The following ZMYND8 variants were observed in gnomAD, a reference collection of about 807,000 sequenced individuals.
ZMYND8 encodes MYND-type zinc finger-containing chromatin reader ZMYND8.
In ZMYND8, 37 loss-of-function variants were observed where a neutral mutation model predicts 140.8. That is an observed-to-expected ratio of 0.26 (90% CI 0.20 to 0.35). ZMYND8 has a LOEUF of 0.35. Ranked by LOEUF, ZMYND8 falls within the 10% of genes least tolerant of loss-of-function variation. The pLI is 1.00. For missense variants in ZMYND8, 1,068 were observed against 1,570.0 expected (o/e 0.68, Z 5.40); for synonymous variants, 592 against 597.1 (o/e 0.99, Z 0.12).
chr20:47,350,074 G>C (rs915777652), intron 1 of ZMYND8: 1 of 1,376,668 alleles, frequency 7.3e-7, no homozygotes, highest in African/African-American at 1.5e-5. Flanking sequence ...GCAGAAGAGA[G>C]AGGGAAAAAA....
At chr20:47,326,131 G>T (rs1340515514) in intron 2 of ZMYND8, among the ~76,000 whole-genome samples, 2 of 152,114 alleles carry the variant, frequency 1.3e-5, no homozygotes, top group African/African-American at 4.8e-5. Flanking sequence ...CTAATTCTTT[G>T]TATTTCTTAG....
At chr20:47,269,285 G>C (rs895591680) in intron 11 of ZMYND8, among the ~76,000 whole-genome samples, 1 of 152,204 alleles carries the variant, frequency 6.6e-6, no homozygotes, top group Non-Finnish European at 1.5e-5. Flanking sequence ...GAGGGTGTGG[G>C]TGGTACTGGC....
rs201082597 is a variant in ZMYND8, at chr20:47,227,222, G to A, written c.2997C>T (p.Ser999=). 17 of 1,614,126 alleles carry A rather than the reference G, an allele frequency of 1.1e-5. No homozygotes were observed. The East Asian group carries it at 1.3e-4, about 13-fold the overall frequency. ...CCTTACCTAAGTTGTGTTTCATTTCGGAGAGCTCTTGCTGGTGCAGCCACT... is the reference window on the plus strand; with the variant it reads ...CCTTACCTAAGTTGTGTTTCATTTCAGAGAGCTCTTGCTGGTGCAGCCACT... ...KLQWLHQQEL[S]EMKHNLELTM... The change falls in exon 18 of 23, where the codon TCC becomes TCT. Residue 999 remains serine, a synonymous_variant. Transcript: ENST00000471951.
rs1328812354 is a variant in ZMYND8, at chr20:47,355,400, C to T, written c.14+1257G>A. The T allele has an allele frequency of 1.3e-5, 13 of 978,708 alleles. No homozygotes were observed. In the South Asian group the frequency reaches 5.2e-4, roughly 39 times the overall value. 60.6% of individuals were successfully genotyped at this position (978,708 alleles called of 1,614,324 possible). On this transcript the variant is annotated intron_variant, in intron 1 of 22. Transcript: ENST00000471951. ...CTATTACAAACAGACCCCAAATGTT[C>T]GCAAAACTCTTCAAACATGGTCACA...
intron 22 of ZMYND8, 56 bp downstream of exon 22, chr20:47,212,586 C>T (rs150121425): frequency 1.9e-6 from 3 of 1,581,964 alleles, no homozygotes; most frequent in Non-Finnish European, 2.6e-6. Context: ...CAGAACAAGC[C>T]TTCTGCATAC....
intron 6 of ZMYND8, among the ~76,000 whole-genome samples, chr20:47,290,868 G>C (rs6094655): frequency 6.6e-6 from 1 of 151,940 alleles, no homozygotes; most frequent in Non-Finnish European, 1.5e-5. Context: ...TGGGATTACA[G>C]GCTTGAGCCA....
At chr20:47,270,772 G>A (rs1233053165) in intron 11 of ZMYND8, among the ~76,000 whole-genome samples, 1 of 151,022 alleles carries the variant, frequency 6.6e-6, no homozygotes, top group Admixed American at 6.6e-5. Flanking sequence ...TTAATTTGAG[G>A]GTTCTCTTGA....
chr20:47,294,522 T>G lies in ZMYND8; in HGVS notation c.567+144A>C, dbSNP rs1324714702. On this transcript the variant is annotated intron_variant, in intron 5 of 22. Coordinates refer to ENST00000471951, the MANE Select transcript of ZMYND8 (RefSeq NM_001281775.3). Reference sequence around the variant, plus strand: ...ATTAACTGAATGGCATCATACCTCATGTGTGATTTACACATACTTGAATTT... The same window carrying G: ...ATTAACTGAATGGCATCATACCTCAGGTGTGATTTACACATACTTGAATTT... 7 of 697,546 alleles carry G rather than the reference T, an allele frequency of 1.0e-5. No homozygotes were observed. In the Admixed American group the frequency reaches 1.5e-4, roughly 15 times the overall value. 43.2% of individuals were successfully genotyped at this position (697,546 alleles called of 1,614,324 possible).
intron 12 of ZMYND8, among the ~76,000 whole-genome samples, chr20:47,258,505 C>G (rs1199924507): frequency 6.6e-6 from 1 of 152,214 alleles, no homozygotes; most frequent in African/African-American, 2.4e-5. Flanking sequence ...AACCAAAACA[C>G]AGAGCAGGTC....
At chr20:47,332,411 C>T (rs577677916) in intron 2 of ZMYND8, among the ~76,000 whole-genome samples, 1 of 152,148 alleles carries the variant, frequency 6.6e-6, no homozygotes, top group East Asian at 1.9e-4. Flanking sequence ...GAGACAAGTG[C>T]CTTTAAAAGT....
rs558085101 is a variant in ZMYND8, at chr20:47,236,924, T to C, written c.2666-408A>G. Among the ~76,000 whole-genome samples the C allele has an allele frequency of 2.0e-5, 3 of 152,276 alleles. No homozygotes were observed. The South Asian group carries it at 6.2e-4, about 32-fold the overall frequency. On this transcript the variant is annotated intron_variant, in intron 15 of 22. Transcript: ENST00000471951. ...CCGTTAGCAAATCAAGATGTTTAACTTCCCTGACTCTACTGAGGCCCAACT... is the reference window on the plus strand; with the variant it reads ...CCGTTAGCAAATCAAGATGTTTAACCTCCCTGACTCTACTGAGGCCCAACT...
chr20:47,297,232 T>C (rs548236928), intron 4 of ZMYND8, among the ~76,000 whole-genome samples: 39 of 152,298 alleles, frequency 2.6e-4, no homozygotes, highest in African/African-American at 8.2e-4. Flanking sequence ...ACCATTACAA[T>C]ATCATCGTCA....
rs111428746 is a variant in ZMYND8, at chr20:47,263,436, G to C, written c.1481-1008C>G. 1.2e-3 allele frequency among the ~76,000 whole-genome samples: 176 copies of C among 149,586 alleles called. 1 individual carries two copies. The highest frequency in any genetic ancestry group is 4.1e-3 in the African/African-American group (166 of 40,974). On this transcript the variant is annotated intron_variant, in intron 11 of 22. Coordinates refer to ENST00000471951, the MANE Select transcript of ZMYND8 (RefSeq NM_001281775.3). ...TGGGACACTTGTGTGGGCAGCACTT[G>C]CCTCAGTTTCCTCACCTGACAAATT...
intron 5 of ZMYND8, 72 bp from the exon 6 acceptor site, chr20:47,291,960 A>C: frequency 3.8e-6 from 5 of 1,325,272 alleles, no homozygotes; most frequent in Non-Finnish European, 5.2e-6. Flanking sequence ...ATGCTAACAA[A>C]AGGCTTGAAA....
chr20:47,353,709 G>A (rs1162244996), intron 1 of ZMYND8: 3 of 152,188 alleles, frequency 2.0e-5, no homozygotes, highest in Non-Finnish European at 2.9e-5. Context: ...TGAGGAGGCA[G>A]AAGGAAAAAG....
At chr20:47,256,282 C>A (rs554857597) in intron 12 of ZMYND8, among the ~76,000 whole-genome samples, 31 of 150,030 alleles carry the variant, frequency 2.1e-4, no homozygotes, top group African/African-American at 7.4e-4. Flanking sequence ...AAGTTTGAGA[C>A]CAGCCTGGGA....
intron 12 of ZMYND8, among the ~76,000 whole-genome samples, chr20:47,251,390 A>AG (rs2074159037): frequency 6.6e-6 from 1 of 152,030 alleles, no homozygotes; most frequent in Non-Finnish European, 1.5e-5. Context: ...GTTCGAGACC[A>AG]GGCTGGGCAA....
At chr20:47,288,495 G>A (rs6094650) in intron 7 of ZMYND8, among the ~76,000 whole-genome samples, 2 of 150,038 alleles carry the variant, frequency 1.3e-5, no homozygotes, top group African/African-American at 4.9e-5. Context: ...CTGGGTTGAA[G>A]CGATTCTTGC....
chr20:47,274,950 T>C (rs2076168718), intron 11 of ZMYND8, among the ~76,000 whole-genome samples: 1 of 152,184 alleles, frequency 6.6e-6, no homozygotes, highest in Non-Finnish European at 1.5e-5. Flanking sequence ...CCTGAAGAAC[T>C]GATGCTTGCT....
Sources: gnomAD v4.1 joint callset for allele counts (sites outside exome capture counted in the v4.1 genomes callset) on GRCh38, gnomAD v4.1.1 for gene constraint, MANE v1.5 for transcripts, NCBI Gene and HGNC (gene_info 2026-07-23, HGNC 2026-07-21) for gene names.